KIDINS220: variants seen among roughly 807,000 people sequenced by gnomAD.
The protein encoded by KIDINS220 is kinase D-interacting substrate of 220 kDa.
KIDINS220 carries 63 observed loss-of-function variants against 157.6 expected under a neutral mutation model. The ratio of observed to expected loss-of-function variants is 0.40; its 90% CI spans 0.33 to 0.49. The LOEUF (loss-of-function observed/expected upper bound fraction) is 0.49. Ranked by LOEUF, KIDINS220 falls within the 20% of genes least tolerant of loss-of-function variation. The probability of loss-of-function intolerance (pLI) is 0.66; values close to 1 mark genes in which losing one functional copy is unlikely to be tolerated. For missense variants in KIDINS220, 1,772 were observed against 2,171.2 expected (o/e 0.82, Z 3.65); for synonymous variants, 732 against 783.6 (o/e 0.93, Z 1.10).
At chr2:8,830,770 G>A (rs1273001641) in intron 1 of KIDINS220, among the ~76,000 whole-genome samples, 1 of 152,032 alleles carries the variant, frequency 6.6e-6, no homozygotes, top group Non-Finnish European at 1.5e-5. Flanking sequence ...TTTGTTCCCA[G>A]ATCCAACAGT....
intron 17 of KIDINS220, among the ~76,000 whole-genome samples, chr2:8,781,142 T>TAC (rs1671666902): frequency 2.8e-4 from 1 of 3,584 alleles, no homozygotes; most frequent in African/African-American, 1.0e-3. Context: ...TATTAATTAT[T>TAC]ATATATATAT....
rs932133151 is a variant in KIDINS220, at chr2:8,747,519, T to C, written c.3529-318A>G. 7 of 436,998 alleles carry C rather than the reference T, an allele frequency of 1.6e-5. No homozygotes were observed. The East Asian group carries it at 1.7e-4, about 11-fold the overall frequency. 27.1% of individuals were successfully genotyped at this position (436,998 alleles called of 1,614,324 possible). ...CCTTCAATACATCCTCTATTTTTTA[T>C]ATCATGGTGCTAATATTTACATACT... is the stretch of plus-strand genomic sequence containing the variant. On this transcript the variant is annotated intron_variant, in intron 25 of 29. Transcript: ENST00000256707.
At chr2:8,790,806 A>C (rs1029812981) in intron 13 of KIDINS220, among the ~76,000 whole-genome samples, 1 of 152,184 alleles carries the variant, frequency 6.6e-6, no homozygotes, top group Non-Finnish European at 1.5e-5. Flanking sequence ...GGGACCATGC[A>C]AATTGACAAG....
chr2:8,825,405 T>C (rs1678627329), intron 2 of KIDINS220, among the ~76,000 whole-genome samples: 2 of 103,272 alleles, frequency 1.9e-5, no homozygotes. Context: ...TGGAATCTAT[T>C]GCCCAACAAT....
At chr2:8,816,193 A>G (rs1274846384) in intron 4 of KIDINS220, among the ~76,000 whole-genome samples, 3 of 152,234 alleles carry the variant, frequency 2.0e-5, no homozygotes, top group Non-Finnish European at 4.4e-5. Flanking sequence ...AAAGTTTAAG[A>G]AATCAGTTTT....
At chr2:8,834,007 C>T (rs1458748393) in intron 1 of KIDINS220, among the ~76,000 whole-genome samples, 3 of 152,154 alleles carry the variant, frequency 2.0e-5, no homozygotes, top group Admixed American at 6.5e-5. Flanking sequence ...TTCTTATCCT[C>T]CAGATACGAC....
intron 1 of KIDINS220, among the ~76,000 whole-genome samples, chr2:8,833,429 T>C (rs1377772868): frequency 2.6e-5 from 4 of 151,972 alleles, no homozygotes; most frequent in East Asian, 1.9e-4. Context: ...TATTCCTTCA[T>C]AACACTTTAC....
chr2:8,812,884 T>C (rs887022485), intron 5 of KIDINS220, among the ~76,000 whole-genome samples: 1 of 152,182 alleles, frequency 6.6e-6, no homozygotes. Context: ...ACAGAATGTA[T>C]AGAAAAACAG....
rs1290318039 is a variant in KIDINS220, at chr2:8,791,168, T to C, written c.1333A>G (p.Ser445Gly). 1 of 1,614,128 alleles carries C rather than the reference T, an allele frequency of 6.2e-7. No homozygotes were observed. Among genetic ancestry groups the C allele is most frequent in the South Asian group, 1.1e-5 (1 of 91,080 alleles). Residue 445 changes from serine to glycine, a missense_variant, in exon 13 of 30, where the codon AGT becomes GGT. By Grantham distance (56) the Ser-to-Gly change is moderately conservative. Around this residue, in one of 3 missense-constraint regions of KIDINS220, gnomAD observed 725 missense variants for 1,017.1 expected, o/e 0.71. Transcript: ENST00000256707. ...GDMLGYDLYS[S>G]ALADILSEPT... ...TCACTGAGAATATCTGCCAGGGCACTGCTATATAAATCATATCCAAGCATG... is the reference window on the plus strand; with the variant it reads ...TCACTGAGAATATCTGCCAGGGCACCGCTATATAAATCATATCCAAGCATG...
At chr2:8,737,157 AT>A in intron 26 of KIDINS220, 158 bp from the exon 27 acceptor site, 1 of 709,370 alleles carries the variant, frequency 1.4e-6, no homozygotes, top group Non-Finnish European at 2.3e-6. Flanking sequence ...TAGGGAACAG[AT>A]TTAGTTACTG....
intron 17 of KIDINS220, among the ~76,000 whole-genome samples, chr2:8,784,044 T>C (rs577053939): frequency 3.9e-4 from 59 of 151,628 alleles, no homozygotes; most frequent in Non-Finnish European, 7.9e-4. Context: ...AATCAAACAG[T>C]GTGGTATGCG....
rs748257415 is a variant in KIDINS220 at position 8,788,684 on chromosome 2, C to T, written c.1750G>A (p.Glu584Lys). 1.9e-6 allele frequency: 3 copies of T among 1,614,080 alleles called. No homozygotes were observed. The African/African-American group carries it at 4.0e-5, about 22-fold the overall frequency. ...GCTTTAGTAGTCTGCTCTGGCAACT[C>T]AGGTGGATTCACAAACATCAATTTA... ...LLKLMFVNPP[E>K]LPEQTTKALP... The change falls in exon 15 of 30, where the codon GAG (glutamate) becomes AAG (lysine). Residue 584 changes from glutamate (E) to lysine (K), a missense_variant. Transcript: ENST00000256707.
At chr2:8,779,365 T>A (rs1671392206) in intron 18 of KIDINS220, among the ~76,000 whole-genome samples, 1 of 152,240 alleles carries the variant, frequency 6.6e-6, no homozygotes, top group Non-Finnish European at 1.5e-5. Flanking sequence ...ATTGTCCTTC[T>A]TTCAGACATT....
In KIDINS220 at chr2:8,831,858, T is replaced by A. The variant is rs1300151925; in HGVS notation, c.-36-4729A>T. 3.9e-5 allele frequency among the ~76,000 whole-genome samples: 6 copies of A among 152,306 alleles called. No homozygotes were observed. The East Asian group carries it at 1.2e-3, about 29-fold the overall frequency. On this transcript the variant is annotated intron_variant, in intron 1 of 29. Coordinates refer to ENST00000256707, the MANE Select transcript of KIDINS220 (RefSeq NM_020738.4). ...ACAAGGTCACTCTGTCACCAGGATA[T>A]GAAGACAAAAATAAGACTACTCTGG... is the stretch of plus-strand genomic sequence containing the variant.
intron 25 of KIDINS220, 132 bp downstream of exon 25, chr2:8,747,754 TA>T: frequency 8.7e-6 from 4 of 458,268 alleles, no homozygotes; most frequent in Non-Finnish European, 1.5e-5. Context: ...TTTATGTTAG[TA>T]ATAGGTTGTT....
chr2:8,835,935 C>T (rs1680324907), intron 1 of KIDINS220, among the ~76,000 whole-genome samples: 2 of 151,974 alleles, frequency 1.3e-5, no homozygotes, highest in African/African-American at 2.4e-5. Context: ...GTGACCCAGA[C>T]TGGAAAAATA....
rs1676470521 is a variant in KIDINS220 at position 8,812,534 on chromosome 2, G to T, written c.406-41C>A. The T allele has an allele frequency of 2.6e-6, 3 of 1,168,136 alleles. No homozygotes were observed. In the East Asian group the frequency reaches 8.2e-5, roughly 32 times the overall value. The allele number at this position is 1,168,136 out of a possible 1,614,324, so 72.4% of individuals were successfully genotyped here. A position where few individuals can be genotyped will look rare whatever the true frequency, so the allele number is the denominator to read the frequency against. On this transcript the variant is annotated intron_variant, in intron 5 of 29. Coordinates refer to ENST00000256707, the MANE Select transcript of KIDINS220 (RefSeq NM_020738.4). Reference sequence around the variant, plus strand: ...GGTTGGTAGGTAGGTAGATAAGTAGGAAGGAAGGAAAGAAAGAAAGGAAGG... The same window carrying T: ...GGTTGGTAGGTAGGTAGATAAGTAGTAAGGAAGGAAAGAAAGAAAGGAAGG...
At chr2:8,825,127 T>C (rs1031007632) in intron 2 of KIDINS220, among the ~76,000 whole-genome samples, 1 of 152,094 alleles carries the variant, frequency 6.6e-6, no homozygotes, top group Non-Finnish European at 1.5e-5. Context: ...ATCACAGTAC[T>C]TTAGGAGGCC....
chr2:8,790,907 A>G (rs929746132), intron 13 of KIDINS220, among the ~76,000 whole-genome samples, 153 bp downstream of exon 13: 7 of 152,196 alleles, frequency 4.6e-5, no homozygotes, highest in African/African-American at 1.7e-4. Flanking sequence ...AACTCAAATG[A>G]CCGTGTGAAG....
Sources: allele counts gnomAD v4.1 joint callset (sites outside exome capture counted in the v4.1 genomes callset), GRCh38; gene constraint gnomAD v4.1.1; regional missense constraint gnomAD v4.1.1; transcripts MANE v1.5; gene names NCBI Gene and HGNC (gene_info 2026-07-23, HGNC 2026-07-21).